The following CNTN6 variants were observed in gnomAD, a reference collection of about 807,000 sequenced individuals.
The protein encoded by CNTN6 is contactin 6, also known as contactin-6.
CNTN6 carries 137 observed loss-of-function variants against 122.8 expected under a neutral mutation model. The ratio of observed to expected loss-of-function variants is 1.12; its 90% confidence interval spans 0.97 to 1.29. The LOEUF is 1.29. Among genes scored for constraint, CNTN6 ranks in the 50% most tolerant of loss-of-function variants. The probability of loss-of-function intolerance (pLI) is 0.00; values close to 1 mark genes in which losing one functional copy is unlikely to be tolerated. For missense variants in CNTN6, 1,634 were observed against 1,223.4 expected (o/e 1.34, Z -5.01); for synonymous variants, 570 against 426.0 (o/e 1.34, Z -4.16).
intron 4 of CNTN6, among the ~76,000 whole-genome samples, chr3:1,236,359 G>C (rs940730753): frequency 6.6e-6 from 1 of 152,098 alleles, no homozygotes; most frequent in African/African-American, 2.4e-5. Flanking sequence ...CTCCACCAGA[G>C]CAGGTGGTGG....
chr3:1,279,598 C>G (rs1488850372), intron 5 of CNTN6, among the ~76,000 whole-genome samples: 1 of 152,178 alleles, frequency 6.6e-6, no homozygotes, highest in Non-Finnish European at 1.5e-5. Flanking sequence ...ATATTCAAAT[C>G]CAGGAAGTCT....
At chr3:1,300,251 G>C (rs1696973897) in intron 7 of CNTN6, among the ~76,000 whole-genome samples, 1 of 152,110 alleles carries the variant, frequency 6.6e-6, no homozygotes, top group Non-Finnish European at 1.5e-5. Context: ...CTTCCTAAGT[G>C]CTGGGATGAC....
In CNTN6 at chr3:1,245,188, A is replaced by G. The variant is rs1277447936; in HGVS notation, c.358+17195A>G. The stretch of plus-strand genomic sequence containing the variant: ...GCCCATCAATCAACAAGTAGGGTAA[A>G]GAAAATGTGATATATATATATATAT... On this transcript the variant is annotated intron_variant, in intron 4 of 22. Coordinates refer to ENST00000446702, the MANE Select transcript of CNTN6 (RefSeq NM_001289080.2). 2.1e-4 allele frequency among the ~76,000 whole-genome samples: 17 copies of G among 81,434 alleles called. 1 individual carries two copies. Among genetic ancestry groups the G allele is most frequent in the African/African-American group, 6.8e-4 (16 of 23,590 alleles). 53.4% of individuals were successfully genotyped at this position (81,434 alleles called of 152,430 possible). A position where few individuals can be genotyped will look rare whatever the true frequency, so the allele number is the denominator to read the frequency against.
At chr3:1,238,443 AATT>A in intron 4 of CNTN6, among the ~76,000 whole-genome samples, 1 of 152,334 alleles carries the variant, frequency 6.6e-6, no homozygotes, top group East Asian at 1.9e-4. Context: ...TTTATAAAAC[AATT>A]ACTACTATAC....
At chr3:1,285,395 A>C (rs1694155798) in intron 5 of CNTN6, among the ~76,000 whole-genome samples, 1 of 152,184 alleles carries the variant, frequency 6.6e-6, no homozygotes, top group Non-Finnish European at 1.5e-5. Context: ...GTTAATGTTC[A>C]GATGCCAGTT....
intron 5 of CNTN6, among the ~76,000 whole-genome samples, chr3:1,285,435 A>G (rs1447479957): frequency 6.6e-6 from 1 of 152,172 alleles, no homozygotes; most frequent in African/African-American, 2.4e-5. Flanking sequence ...TCTAGCAGGC[A>G]GCTGGATTAT....
intron 7 of CNTN6, among the ~76,000 whole-genome samples, chr3:1,301,600 G>C (rs948028881): frequency 5.9e-5 from 9 of 152,112 alleles, no homozygotes; most frequent in African/African-American, 2.2e-4. Flanking sequence ...ATTTAATAGA[G>C]TACACTCCCT....
rs73111137 is a variant in CNTN6 at position 1,281,866 on chromosome 3, A to G, written c.454+3358A>G. Among the ~76,000 whole-genome samples, 1,490 of 152,314 alleles carry G rather than the reference A, an allele frequency of 9.8e-3. 18 individuals are homozygous for G. Among genetic ancestry groups the G allele is most frequent in the African/African-American group, 0.034 (1,421 of 41,550 alleles). The stretch of plus-strand genomic sequence containing the variant: ...GAGAAATCATGTTAAACTTGATATT[A>G]TCAGAATATCCTGAATTCTTTATGC... On this transcript the variant is annotated intron_variant, in intron 5 of 22. Coordinates refer to ENST00000446702, the MANE Select transcript of CNTN6 (RefSeq NM_001289080.2).
intron 11 of CNTN6, among the ~76,000 whole-genome samples, chr3:1,340,936 GTGGT>G (rs72427674): frequency 0.015 from 2,303 of 152,190 alleles, 64 homozygotes; most frequent in African/African-American, 0.052. Context: ...TTTCAAGTTG[GTGGT>G]TTAAGGTCAT....
intron 1 of CNTN6, among the ~76,000 whole-genome samples, chr3:1,111,756 G>A (rs1158923009): frequency 6.6e-6 from 1 of 152,108 alleles, no homozygotes. Flanking sequence ...GGATGTTGTG[G>A]TAAAAAGGAA....
At chr3:1,292,833 C>T (rs994397826) in intron 5 of CNTN6, among the ~76,000 whole-genome samples, 2 of 152,088 alleles carry the variant, frequency 1.3e-5, no homozygotes, top group Admixed American at 1.3e-4. Context: ...GTATTTCCCT[C>T]CACTCACTCT....
chr3:1,163,076 C>T (rs914957697), intron 2 of CNTN6, among the ~76,000 whole-genome samples: 2 of 152,178 alleles, frequency 1.3e-5, no homozygotes, highest in Non-Finnish European at 2.9e-5. Context: ...GTTCTGATTA[C>T]CCAATGATTC....
Position 1,236,212 on chromosome 3 carries a change from T to G in CNTN6, c.358+8219T>G, listed in dbSNP as rs542590311. Among the ~76,000 whole-genome samples the G allele has an allele frequency of 1.4e-4, 21 of 151,456 alleles. 1 individual carries two copies. The highest frequency in any genetic ancestry group is 7.9e-4 in the Admixed American group (12 of 15,244). On this transcript the variant is annotated intron_variant, in intron 4 of 22. Coordinates refer to ENST00000446702, the MANE Select transcript of CNTN6 (RefSeq NM_001289080.2). The stretch of plus-strand genomic sequence containing the variant: ...ACCACCTGAGAAACCTGAATACTTT[T>G]GCATCCTCCGTATAGGACCACAGCT...
intron 2 of CNTN6, among the ~76,000 whole-genome samples, chr3:1,212,252 G>GTTTTTTT (rs74499004): frequency 4.2e-5 from 5 of 118,378 alleles, no homozygotes; most frequent in Admixed American, 2.7e-4. Flanking sequence ...AATAAAACTT[G>GTTTTTTT]TTTTTTTTTT....
At chr3:1,107,284 T>C (rs1415647389) in intron 1 of CNTN6, among the ~76,000 whole-genome samples, 3 of 152,152 alleles carry the variant, frequency 2.0e-5, no homozygotes, top group Non-Finnish European at 2.9e-5. Context: ...TCATAAAATA[T>C]GTCATATGGT....
chr3:1,235,709 A>T (rs1466325555), intron 4 of CNTN6, among the ~76,000 whole-genome samples: 1 of 152,140 alleles, frequency 6.6e-6, no homozygotes, highest in Non-Finnish European at 1.5e-5. Context: ...GAGAATCCAC[A>T]AACCCTTTGA....
chr3:1,388,675 G>C (rs1466680563), intron 20 of CNTN6, among the ~76,000 whole-genome samples: 2 of 145,832 alleles, frequency 1.4e-5, no homozygotes, highest in African/African-American at 5.1e-5. Flanking sequence ...AAAAAATTTA[G>C]AAGAATGTAT....
chr3:1,351,159 G>A (rs11710384), intron 11 of CNTN6, among the ~76,000 whole-genome samples: 57,532 of 151,716 alleles, frequency 0.38, 12,096 homozygotes, highest in African/African-American at 0.55. Flanking sequence ...TCCAACGTCA[G>A]AAGCTGGCTT....
rs376424291 is a variant in CNTN6, at chr3:1,383,010, G to C, written c.2235G>C (p.Ser745=). 7 of 1,614,086 alleles carry C rather than the reference G, an allele frequency of 4.3e-6. No individual in the cohort carries two copies. In the Admixed American group the frequency reaches 8.3e-5, roughly 19 times the overall value. ...TCATCATGTTCCGGCCAGTGGGCTC[G>C]ACAACCTGGTCCAAGGAGAAAGTGT... ...GYIIMFRPVG[S]TTWSKEKVSS... is the part of the protein sequence containing the mutation. The change falls in exon 18 of 23, where the codon TCG becomes TCC. Residue 745 remains serine, a synonymous_variant. Coordinates refer to ENST00000446702, the MANE Select transcript of CNTN6 (RefSeq NM_001289080.2).
Sources: gnomAD v4.1 joint callset for allele counts (sites outside exome capture counted in the v4.1 genomes callset) on GRCh38, gnomAD v4.1.1 for gene constraint, MANE v1.5 for transcripts, NCBI Gene and HGNC (gene_info 2026-07-23, HGNC 2026-07-21) for gene names.